The following SLC2A13 variants were observed in gnomAD, a reference collection of about 807,000 sequenced individuals.
SLC2A13 encodes solute carrier family 2 member 13, also known as proton myo-inositol cotransporter.
SLC2A13 carries 32 observed loss-of-function variants against 64.4 expected under a neutral mutation model. The ratio of observed to expected loss-of-function variants is 0.50; its 90% CI spans 0.37 to 0.67. The LOEUF is 0.67. Among genes scored for constraint, SLC2A13 ranks in the 30% least tolerant of loss-of-function variants. The pLI is 0.00. For missense variants in SLC2A13, 743 were observed against 829.2 expected (o/e 0.90, Z 1.28); for synonymous variants, 338 against 327.1 (o/e 1.03, Z -0.36).
At chr12:40,055,589 G>A (rs928108299) in intron 1 of SLC2A13, among the ~76,000 whole-genome samples, 1 of 152,186 alleles carries the variant, frequency 6.6e-6, no homozygotes, top group African/African-American at 2.4e-5. Flanking sequence ...TTAATAAAAA[G>A]TTATTGATTA....
At chr12:39,906,542 T>C (rs1187463410) in intron 4 of SLC2A13, among the ~76,000 whole-genome samples, 1 of 152,142 alleles carries the variant, frequency 6.6e-6, no homozygotes, top group East Asian at 1.9e-4. Flanking sequence ...AAGAAACAGT[T>C]TTAACTTGAA....
At chr12:40,075,210 C>T (rs1938123571) in intron 1 of SLC2A13, among the ~76,000 whole-genome samples, 1 of 152,040 alleles carries the variant, frequency 6.6e-6, no homozygotes, top group Non-Finnish European at 1.5e-5. Context: ...AGTGGAAGAC[C>T]CCTCCACCCA....
chr12:40,096,386 T>C (rs1250027446), intron 1 of SLC2A13, among the ~76,000 whole-genome samples: 4 of 152,102 alleles, frequency 2.6e-5, no homozygotes, highest in Admixed American at 1.3e-4. Context: ...AGGATAAATA[T>C]ATTTTCTTTT....
intron 7 of SLC2A13, among the ~76,000 whole-genome samples, chr12:39,810,807 T>C (rs1942134631): frequency 6.6e-6 from 1 of 152,134 alleles, no homozygotes; most frequent in African/African-American, 2.4e-5. Context: ...CAACCATGAA[T>C]TCCTTTATAT....
At chr12:39,762,661 C>T (rs944617359) in intron 9 of SLC2A13, among the ~76,000 whole-genome samples, 5 of 151,808 alleles carry the variant, frequency 3.3e-5, no homozygotes, top group Admixed American at 1.3e-4. Flanking sequence ...GAGGAATACA[C>T]GATTAGGATG....
intron 1 of SLC2A13, among the ~76,000 whole-genome samples, chr12:40,101,727 C>T (rs919701860): frequency 6.6e-6 from 1 of 152,156 alleles, no homozygotes; most frequent in Non-Finnish European, 1.5e-5. Context: ...CTCATCTATG[C>T]TTCAAATACT....
intron 6 of SLC2A13, among the ~76,000 whole-genome samples, chr12:39,861,215 C>T (rs1943751102): frequency 6.6e-6 from 1 of 152,198 alleles, no homozygotes; most frequent in Non-Finnish European, 1.5e-5. Context: ...CCAACTTCAT[C>T]TTCTATTACA....
At chr12:39,788,793 T>C (rs1453838211) in intron 7 of SLC2A13, 1 of 152,172 alleles carries the variant, frequency 6.6e-6, no homozygotes, top group Non-Finnish European at 1.5e-5. Flanking sequence ...TGATTTGTAT[T>C]AGAAAGTAGC....
chr12:39,778,900 C>A (rs1188038958), intron 7 of SLC2A13, among the ~76,000 whole-genome samples: 2 of 152,162 alleles, frequency 1.3e-5, no homozygotes, highest in African/African-American at 2.4e-5. Flanking sequence ...CTGTTTCTAT[C>A]AGTTTGGGGG....
At chr12:39,828,832 A>T (rs1942765612) in intron 7 of SLC2A13, among the ~76,000 whole-genome samples, 1 of 152,100 alleles carries the variant, frequency 6.6e-6, no homozygotes, top group Non-Finnish European at 1.5e-5. Context: ...AGAACTATAA[A>T]CTGAGTATTT....
chr12:39,941,392 G>A (rs1439866569), intron 4 of SLC2A13, among the ~76,000 whole-genome samples: 1 of 152,182 alleles, frequency 6.6e-6, no homozygotes, highest in Non-Finnish European at 1.5e-5. Context: ...CCCACCAGCA[G>A]TGTAGAAGTG....
At chr12:39,790,394 C>G (rs1275849065) in intron 7 of SLC2A13, among the ~76,000 whole-genome samples, 1 of 136,850 alleles carries the variant, frequency 7.3e-6, no homozygotes, top group Non-Finnish European at 1.5e-5. Flanking sequence ...CCACAGTCCC[C>G]AGAGTGTGAT....
intron 1 of SLC2A13, among the ~76,000 whole-genome samples, chr12:40,070,566 A>G (rs1403234990): frequency 6.6e-6 from 1 of 152,190 alleles, no homozygotes; most frequent in Non-Finnish European, 1.5e-5. Flanking sequence ...AATCAACTCA[A>G]TAAGAACTGA....
At chr12:40,018,153 T>C (rs1406090595) in intron 3 of SLC2A13, among the ~76,000 whole-genome samples, 1 of 152,210 alleles carries the variant, frequency 6.6e-6, no homozygotes, top group East Asian at 1.9e-4. Context: ...TTTCTGTTTT[T>C]ATAAATAATA....
At chr12:40,047,901 C>A (rs889454953) in intron 2 of SLC2A13, 150 bp downstream of exon 2, 1 of 626,642 alleles carries the variant, frequency 1.6e-6, no homozygotes, top group Non-Finnish European at 2.6e-6. Flanking sequence ...AGCTTCCTGT[C>A]CACTCTCAGT....
chr12:40,023,124 C>G (rs1947750530), intron 3 of SLC2A13, among the ~76,000 whole-genome samples: 1 of 152,234 alleles, frequency 6.6e-6, no homozygotes, highest in African/African-American at 2.4e-5. Flanking sequence ...TCCCTAGCTT[C>G]CCTAGCTTTT....
chr12:39,756,970 A>G lies in SLC2A13; in HGVS notation c.*3056T>C, dbSNP rs1453015975. ...ATGGACACATTACCTTTTATTATTT[A>G]TTATTTAAATATTTTACATATATTA... On this transcript the variant is annotated 3_prime_UTR_variant, in exon 10 of 10. Coordinates refer to ENST00000280871, the MANE Select transcript of SLC2A13 (RefSeq NM_052885.4). 6.6e-6 allele frequency: 1 copy of G among 151,542 alleles called. No homozygotes were observed. Among genetic ancestry groups the G allele is most frequent in the African/African-American group, 2.4e-5 (1 of 41,406 alleles). 9.4% of individuals were successfully genotyped at this position (151,542 alleles called of 1,614,324 possible).
At chr12:39,773,313 C>T (rs1940652774) in intron 7 of SLC2A13, among the ~76,000 whole-genome samples, 1 of 152,150 alleles carries the variant, frequency 6.6e-6, no homozygotes, top group African/African-American at 2.4e-5. Flanking sequence ...AGTGAGAGAA[C>T]TAATCCTTAC....
chr12:39,901,214 G>A (rs893648356), intron 4 of SLC2A13, among the ~76,000 whole-genome samples: 13 of 152,134 alleles, frequency 8.5e-5, no homozygotes, highest in African/African-American at 2.9e-4. Flanking sequence ...AGACTTAAAC[G>A]TTAGACCTGA....
Sources: allele counts gnomAD v4.1 joint callset (sites outside exome capture counted in the v4.1 genomes callset), GRCh38; gene constraint gnomAD v4.1.1; transcripts MANE v1.5; gene names NCBI Gene and HGNC (gene_info 2026-07-23, HGNC 2026-07-21).